PRKCQ: variants seen among roughly 807,000 people sequenced by gnomAD.
PRKCQ encodes protein kinase C theta, also known as protein kinase C theta type.
PRKCQ carries 41 observed loss-of-function variants against 91.2 expected under a neutral mutation model. That is an observed-to-expected ratio of 0.45 (90% CI 0.35 to 0.58). PRKCQ has a LOEUF of 0.58. Ranked by LOEUF, PRKCQ falls within the 20% of genes least tolerant of loss-of-function variation. PRKCQ has a pLI of 0.00. For missense variants in PRKCQ, 673 were observed against 896.5 expected, an observed-to-expected ratio of 0.75 and a Z score of 3.18; for synonymous variants, 307 against 316.9, an observed-to-expected ratio of 0.97 and a Z score of 0.33.
chr10:6,481,058 GA>G (rs1836571579), intron 11 of PRKCQ, among the ~76,000 whole-genome samples: 1 of 152,234 alleles, frequency 6.6e-6, no homozygotes. Context: ...GTGAGAAAGA[GA>G]AACAGCCATC....
the PRKCQ span, among the ~76,000 whole-genome samples, chr10:6,418,034 G>A: frequency 6.6e-6 from 1 of 152,154 alleles, no homozygotes; most frequent in African/African-American, 2.4e-5. Flanking sequence ...CCGTCTTCTT[G>A]TCTTATGAGC....
intron 12 of PRKCQ, among the ~76,000 whole-genome samples, chr10:6,471,739 G>A (rs532799904): frequency 6.6e-6 from 1 of 152,272 alleles, no homozygotes; most frequent in South Asian, 2.1e-4. Flanking sequence ...GACAGAGTGA[G>A]ACTCCTTCTC....
chr10:6,457,591 C>G (rs1180810668), intron 14 of PRKCQ, among the ~76,000 whole-genome samples: 1 of 152,170 alleles, frequency 6.6e-6, no homozygotes, highest in Non-Finnish European at 1.5e-5. Context: ...GGATGAAGGG[C>G]AAACATTCTG....
chr10:6,401,225 G>A, the PRKCQ span, among the ~76,000 whole-genome samples: 1 of 152,104 alleles, frequency 6.6e-6, no homozygotes, highest in Non-Finnish European at 1.5e-5. Context: ...AGCCTTGCAC[G>A]GAAAACATTG....
rs1199833371 is a variant in PRKCQ, at chr10:6,497,095, C to T, written c.600G>A (p.Lys200=). Residue 200 remains lysine, a synonymous_variant, in exon 7 of 18, where the codon AAG becomes AAA. Coordinates refer to ENST00000263125, the MANE Select transcript of PRKCQ (RefSeq NM_006257.5). This position sits in a 1 kb window ranked among gnomAD's most constrained non-coding sequence, Gnocchi z 4.5. The part of the protein sequence containing the change: ...CRQCNAAIHK[K]CIDKVIAKCT... ...ACTTTGCTATAACTTTATCAATACA[C>T]TTCTTGTGAATTGCTGCATTGCATT... is the stretch of plus-strand genomic sequence containing the variant. 4.3e-6 allele frequency: 7 copies of T among 1,613,798 alleles called. No homozygotes were observed. The highest frequency in any genetic ancestry group is 5.9e-6 in the Non-Finnish European group (7 of 1,180,036).
chr10:6,495,163 C>T (rs990411699), intron 7 of PRKCQ, among the ~76,000 whole-genome samples: 1 of 152,192 alleles, frequency 6.6e-6, no homozygotes, highest in Non-Finnish European at 1.5e-5. Context: ...GGATTCCTTC[C>T]ATCTCCTCTG....
At chr10:6,424,951 C>T (rs538026838), downstream of PRKCQ, among the ~76,000 whole-genome samples, 2 of 152,134 alleles carry the variant, frequency 1.3e-5, no homozygotes, top group Non-Finnish European at 2.9e-5. Context: ...TGGAGGGGAA[C>T]TGGGAGTGGT....
At chr10:6,533,909 G>A (rs1470823199) in intron 1 of PRKCQ, among the ~76,000 whole-genome samples, 2 of 152,088 alleles carry the variant, frequency 1.3e-5, no homozygotes, top group Non-Finnish European at 2.9e-5. Context: ...ACCACTAAAA[G>A]TACTAGGTAA....
chr10:6,410,971 C>T, the PRKCQ span, among the ~76,000 whole-genome samples: 8 of 121,310 alleles, frequency 6.6e-5, no homozygotes, highest in Non-Finnish European at 5.2e-5. Context: ...AGTGAGATTC[C>T]GTTTCAAAAA....
intron 15 of PRKCQ, among the ~76,000 whole-genome samples, chr10:6,448,626 C>T (rs1834461292): frequency 2.0e-5 from 3 of 152,116 alleles, no homozygotes; most frequent in South Asian, 2.1e-4. Flanking sequence ...CCACTATGGT[C>T]TTGATCTCCT....
At chr10:6,558,880 A>G (rs1198037015) in intron 1 of PRKCQ, among the ~76,000 whole-genome samples, 1 of 152,172 alleles carries the variant, frequency 6.6e-6, no homozygotes, top group East Asian at 1.9e-4. Context: ...TCAGAGCTGA[A>G]CTAGGGCTAT....
Position 6,465,551 on chromosome 10 carries a change from C to A in PRKCQ, c.1354-1147G>T, listed in dbSNP as rs566560320. ...TGTAATGCATCACAGAATCAGTAAT[C>A]CATAAAGTGTGAGGACCTTCGGTGC... On this transcript the variant is annotated intron_variant, in intron 12 of 17. Transcript: ENST00000263125. This position sits in a 1 kb window ranked among gnomAD's most constrained non-coding sequence, Gnocchi z 4.4. Among the ~76,000 whole-genome samples the A allele has an allele frequency of 6.6e-6, 1 of 152,208 alleles. No homozygotes were observed. The highest frequency in any genetic ancestry group is 2.4e-5 in the African/African-American group (1 of 41,440).
At chr10:6,545,988 A>T (rs1839937604) in intron 1 of PRKCQ, among the ~76,000 whole-genome samples, 1 of 152,076 alleles carries the variant, frequency 6.6e-6, no homozygotes, top group Admixed American at 6.5e-5. Context: ...TGGGGGACAT[A>T]GCAAAACTCC....
chr10:6,457,634 G>A (rs377082169), intron 14 of PRKCQ, among the ~76,000 whole-genome samples: 43 of 152,196 alleles, frequency 2.8e-4, no homozygotes, highest in African/African-American at 8.4e-4. Context: ...GAATTTGTCC[G>A]TTTTCTTCTC....
intron 1 of PRKCQ, among the ~76,000 whole-genome samples, chr10:6,563,957 A>G (rs548163138): frequency 6.6e-6 from 1 of 152,238 alleles, no homozygotes; most frequent in East Asian, 1.9e-4. Flanking sequence ...GCCTTTGCAG[A>G]GGAGGTGAGG....
At chr10:6,431,074 A>T in intron 16 of PRKCQ, 136 bp from the exon 17 acceptor site, 1 of 1,158,552 alleles carries the variant, frequency 8.6e-7, no homozygotes. Context: ...AGGACTGACT[A>T]AAGTCAACCT....
At chr10:6,473,557 G>C (rs1189399345) in intron 12 of PRKCQ, among the ~76,000 whole-genome samples, 1 of 152,220 alleles carries the variant, frequency 6.6e-6, no homozygotes. Context: ...TTAAAGAAAA[G>C]AGGCTTATCT....
chr10:6,394,356 G>A, the PRKCQ span, among the ~76,000 whole-genome samples: 2 of 152,224 alleles, frequency 1.3e-5, no homozygotes, highest in African/African-American at 4.8e-5. Flanking sequence ...GCACTCCACC[G>A]ATGGTCAGGT....
intron 15 of PRKCQ, among the ~76,000 whole-genome samples, chr10:6,443,293 A>G: frequency 6.6e-6 from 1 of 152,218 alleles, no homozygotes; most frequent in Non-Finnish European, 1.5e-5. Flanking sequence ...GATGAAAGAA[A>G]TAAGGAAAAT....
Sources: allele counts gnomAD v4.1 joint callset (sites outside exome capture counted in the v4.1 genomes callset), GRCh38; gene constraint gnomAD v4.1.1; non-coding constraint Gnocchi (gnomAD v3.1); transcripts MANE v1.5; gene names NCBI Gene and HGNC (gene_info 2026-07-23, HGNC 2026-07-21).